The following SYNJ2 variants were observed in gnomAD, a reference collection of about 807,000 sequenced individuals.
SYNJ2 encodes polyphosphatidylinositol phosphatase SYNJ2.
A neutral mutation model predicts 141.3 loss-of-function variants in SYNJ2; 116 were observed. That is an observed-to-expected ratio of 0.82 (90% CI 0.71 to 0.96). SYNJ2 has a LOEUF of 0.96. Among genes scored for constraint, SYNJ2 ranks in the 40% least tolerant of loss-of-function variants. SYNJ2 has a pLI of 0.00. For missense variants in SYNJ2, 1,873 were observed against 1,934.8 expected (o/e 0.97, Z 0.60); for synonymous variants, 745 against 777.7 (o/e 0.96, Z 0.70).
Position 158,071,513 on chromosome 6 carries a change from C to A in SYNJ2, c.1941-89C>A. 6.9e-7 allele frequency: 1 copy of A among 1,458,116 alleles called. No homozygotes were observed. Among genetic ancestry groups the A allele is most frequent in the East Asian group, 2.3e-5 (1 of 43,728 alleles). 90.3% of individuals were successfully genotyped at this position (1,458,116 alleles called of 1,614,324 possible). A position where few individuals can be genotyped will look rare whatever the true frequency, so the allele number is the denominator to read the frequency against. ...TTGGAGCACTCAGAGCAGCAGGTCC[C>A]GAGCTGCTGCTGGGCCCTTCTCTGT... On this transcript the variant is annotated intron_variant, in intron 14 of 26. Transcript: ENST00000355585. This position sits in a 1 kb window ranked among gnomAD's most constrained non-coding sequence, Gnocchi z 4.3.
At chr6:157,991,336 C>G (rs1383559470) in intron 1 of SYNJ2, among the ~76,000 whole-genome samples, 1 of 152,232 alleles carries the variant, frequency 6.6e-6, no homozygotes, top group Admixed American at 6.5e-5. Flanking sequence ...CCTGGAGATT[C>G]TTGTGGCAAA....
At chr6:158,072,618 A>C (rs1466731413) in intron 15 of SYNJ2, among the ~76,000 whole-genome samples, 1 of 152,190 alleles carries the variant, frequency 6.6e-6, no homozygotes, top group Non-Finnish European at 1.5e-5. Flanking sequence ...CGAGCACTCA[A>C]GGCAAAATTT....
intron 2 of SYNJ2, among the ~76,000 whole-genome samples, chr6:158,026,426 G>A (rs531218940): frequency 5.9e-5 from 9 of 152,206 alleles, no homozygotes; most frequent in African/African-American, 1.9e-4. Context: ...GCGGTGGGCG[G>A]GAGGATGGAG....
chr6:158,089,791 T>C lies in SYNJ2; in HGVS notation c.3457-48T>C, dbSNP rs1489616672. On this transcript the variant is annotated intron_variant, in intron 24 of 26. Coordinates refer to ENST00000355585, the MANE Select transcript of SYNJ2 (RefSeq NM_003898.4). The stretch of plus-strand genomic sequence containing the variant: ...GTAGCAGATACGTCCCACGAGGCTG[T>C]CCTCCTGCCTCTGCTGATACTCTGC... 16 of 1,445,968 alleles carry C rather than the reference T, an allele frequency of 1.1e-5. No homozygotes were observed. The Admixed American group carries it at 2.8e-4, about 25-fold the overall frequency. The allele number at this position is 1,445,968 out of a possible 1,614,324, so 89.6% of individuals were successfully genotyped here.
chr6:158,092,585 G>GA (rs1783533263), intron 25 of SYNJ2, among the ~76,000 whole-genome samples: 1 of 152,066 alleles, frequency 6.6e-6, no homozygotes, highest in Non-Finnish European at 1.5e-5. Flanking sequence ...GCAACATAGT[G>GA]AGACCTCATC....
At chr6:158,017,714 C>T (rs967267904) in intron 2 of SYNJ2, 17 of 526,152 alleles carry the variant, frequency 3.2e-5, no homozygotes, top group Non-Finnish European at 5.8e-5. Context: ...CGTGCCTGGC[C>T]GACCTCTCTT....
chr6:158,077,650 T>TAAAAAAAA (rs56028079), intron 17 of SYNJ2: 11 of 128,212 alleles, frequency 8.6e-5, no homozygotes, highest in African/African-American at 2.6e-4. Flanking sequence ...AACTAGTACA[T>TAAAAAAAA]AAAAAAAAAA....
chr6:158,086,669 AG>A (rs762306665), intron 22 of SYNJ2, among the ~76,000 whole-genome samples, 185 bp from the exon 23 acceptor site: 1 of 152,192 alleles, frequency 6.6e-6, no homozygotes, highest in Non-Finnish European at 1.5e-5. Flanking sequence ...TGTTCCAAGC[AG>A]GCACTGGGTG....
Position 158,070,511 on chromosome 6 carries a change from G to A in SYNJ2, c.1940+838G>A. 1 of 985,506 alleles carries A rather than the reference G, an allele frequency of 1.0e-6. No individual in the cohort carries two copies. The highest frequency in any genetic ancestry group is 1.2e-6 in the Non-Finnish European group (1 of 830,010). The allele number at this position is 985,506 out of a possible 1,614,324, so 61.0% of individuals were successfully genotyped here. On this transcript the variant is annotated intron_variant, in intron 14 of 26. Coordinates refer to ENST00000355585, the MANE Select transcript of SYNJ2 (RefSeq NM_003898.4). The surrounding 1 kb of genome is among the most constrained non-coding windows in gnomAD (Gnocchi z 4.0). ...GTCCTAGGTTAGCAGGTGAAGGTTA[G>A]TAAAGGTTAAAGGCAAGGGCGGGGT...
At chr6:158,054,648 G>T (rs1267064879) in intron 5 of SYNJ2, among the ~76,000 whole-genome samples, 1 of 152,190 alleles carries the variant, frequency 6.6e-6, no homozygotes, top group Non-Finnish European at 1.5e-5. Flanking sequence ...TGTGCTATCA[G>T]AGAGCTTAGG....
Position 158,074,657 on chromosome 6 carries a change from A to C in SYNJ2, c.2211A>C (p.Glu737Asp). Reference sequence around the variant, plus strand: ...ACCGCATTGATCTTACTTATGAAGAAGTCTTCTATTTTGTTAAACGCCAAG... The same window carrying C: ...ACCGCATTGATCTTACTTATGAAGACGTCTTCTATTTTGTTAAACGCCAAG... ...FNYRIDLTYEEVFYFVKRQDW... is the reference protein window; with the variant it reads ...FNYRIDLTYEDVFYFVKRQDW... Residue 737 changes from glutamate (E) to aspartate (D), a missense_variant, in exon 16 of 27, where the codon GAA becomes GAC. Physicochemically the swap from Glu to Asp is conservative, Grantham distance 45. Coordinates refer to ENST00000355585, the MANE Select transcript of SYNJ2 (RefSeq NM_003898.4). 2 of 1,614,148 alleles carry C rather than the reference A, an allele frequency of 1.2e-6. No individual in the cohort carries two copies. The highest frequency in any genetic ancestry group is 1.7e-6 in the Non-Finnish European group (2 of 1,180,010).
At chr6:158,049,456 G>A (rs962895689) in intron 5 of SYNJ2, among the ~76,000 whole-genome samples, 8 of 152,284 alleles carry the variant, frequency 5.3e-5, no homozygotes, top group African/African-American at 9.6e-5. Flanking sequence ...ACGGGGTGAC[G>A]GAGGAAGGGT....
At chr6:158,047,774 C>CAAAAAAAAAAAAAAAAAAAAAAAAAAA (rs58147972) in intron 5 of SYNJ2, among the ~76,000 whole-genome samples, 1 of 32,376 alleles carries the variant, frequency 3.1e-5, no homozygotes, top group South Asian at 2.9e-3. Flanking sequence ...GCGACTCTGT[C>CAAAAAAAAAAAAAAAAAAAAAAAAAAA]AAAAAAAAAA....
intron 1 of SYNJ2, among the ~76,000 whole-genome samples, chr6:157,990,101 G>A (rs1053873931): frequency 6.6e-6 from 1 of 152,236 alleles, no homozygotes; most frequent in South Asian, 2.1e-4. Context: ...TGCTTGTAAA[G>A]CCTCCTGGTT....
At chr6:158,087,871 ACTT>A (rs1200302507) in intron 23 of SYNJ2, among the ~76,000 whole-genome samples, 3 of 131,264 alleles carry the variant, frequency 2.3e-5, no homozygotes, top group East Asian at 2.0e-4. Context: ...GCAGCAACAT[ACTT>A]CTTTTTTTTT....
At chr6:158,080,595 GA>G (rs1782615781) in intron 18 of SYNJ2, among the ~76,000 whole-genome samples, 2 of 150,048 alleles carry the variant, frequency 1.3e-5, no homozygotes, top group South Asian at 4.2e-4. Context: ...CATTTCCTTA[GA>G]ATAAAGTCCG....
At chr6:158,018,086 G>A (rs1300983875) in intron 2 of SYNJ2, among the ~76,000 whole-genome samples, 2 of 152,230 alleles carry the variant, frequency 1.3e-5, no homozygotes, top group African/African-American at 4.8e-5. Flanking sequence ...CAGTCAGTGT[G>A]GGGTGGGAGG....
chr6:158,029,998 A>C (rs932383502), intron 3 of SYNJ2, among the ~76,000 whole-genome samples: 13 of 152,122 alleles, frequency 8.5e-5, no homozygotes. Context: ...AGTCCCATCA[A>C]TGGGGAAGCT....
At chr6:158,001,941 T>C (rs1777879194) in intron 1 of SYNJ2, among the ~76,000 whole-genome samples, 1 of 152,156 alleles carries the variant, frequency 6.6e-6, no homozygotes, top group African/African-American at 2.4e-5. Context: ...CTCTTGGTTT[T>C]CCCATGTGAC....
Sources: gnomAD v4.1 joint callset for allele counts (sites outside exome capture counted in the v4.1 genomes callset) on GRCh38, gnomAD v4.1.1 for gene constraint, Gnocchi (gnomAD v3.1) non-coding constraint, MANE v1.5 for transcripts, NCBI Gene and HGNC (gene_info 2026-07-23, HGNC 2026-07-21) for gene names.